The following ADGRG5 variants were observed in gnomAD, a reference collection of about 807,000 sequenced individuals.
ADGRG5 encodes the protein adhesion G protein-coupled receptor G5.
A neutral mutation model predicts 53.2 loss-of-function variants in ADGRG5; 37 were observed. The ratio of observed to expected loss-of-function variants is 0.70; its 90% CI spans 0.53 to 0.91. The LOEUF (loss-of-function observed/expected upper bound fraction) is 0.91. ADGRG5 is among the 40% of genes least tolerant of loss of function. The pLI is 0.00. For missense variants in ADGRG5, 614 were observed against 675.8 expected (o/e 0.91, Z 1.01); for synonymous variants, 277 against 290.4 (o/e 0.95, Z 0.47).
upstream of ADGRG5, among the ~76,000 whole-genome samples, chr16:57,541,447 C>G (rs1449665714): frequency 1.3e-5 from 2 of 152,124 alleles, no homozygotes; most frequent in Non-Finnish European, 2.9e-5. Flanking sequence ...GAGTGTAGCC[C>G]AGGAGTCAGG....
In ADGRG5 at chr16:57,563,990, T is replaced by C; in HGVS notation, c.429+11T>C. 1 of 1,608,764 alleles carries C rather than the reference T, an allele frequency of 6.2e-7. No individual in the cohort carries two copies. The highest frequency in any genetic ancestry group is 8.5e-7 in the Non-Finnish European group (1 of 1,175,834). ...ACCCACTTTTTCAAGGTCAGTGTGATGGCGGGCCAAGGAGGGTGGGTGCCG... is the reference window on the plus strand; with the variant it reads ...ACCCACTTTTTCAAGGTCAGTGTGACGGCGGGCCAAGGAGGGTGGGTGCCG... On this transcript the variant is annotated intron_variant, in intron 5 of 11. Transcript: ENST00000349457.
chr16:57,529,737 C>G, the ADGRG5 span, among the ~76,000 whole-genome samples: 4 of 152,182 alleles, frequency 2.6e-5, no homozygotes, highest in Non-Finnish European at 5.9e-5. This position sits in a 1 kb window ranked among gnomAD's most constrained non-coding sequence, Gnocchi z 4.1. Context: ...ATCACTTCCT[C>G]CTGGAAGCCC....
intron 1 of ADGRG5, among the ~76,000 whole-genome samples, chr16:57,552,131 T>C (rs1488816998): frequency 6.6e-6 from 1 of 152,160 alleles, no homozygotes; most frequent in Non-Finnish European, 1.5e-5. Context: ...ATTCCATTTG[T>C]AGAGCACAGG....
At chr16:57,571,420 C>T (rs1290064549) in intron 10 of ADGRG5, among the ~76,000 whole-genome samples, 2 of 151,470 alleles carry the variant, frequency 1.3e-5, no homozygotes, top group African/African-American at 4.9e-5. Context: ...AGAGCCTGGC[C>T]CCCAGCCCCT....
At chr16:57,548,695 C>G (rs927674868) in intron 1 of ADGRG5, among the ~76,000 whole-genome samples, 2 of 148,488 alleles carry the variant, frequency 1.3e-5, no homozygotes, top group Non-Finnish European at 3.0e-5. Context: ...TTGAATCACA[C>G]AGCATGCAAC....
chr16:57,560,287 A>G (rs1398903790), intron 1 of ADGRG5, among the ~76,000 whole-genome samples: 1 of 152,042 alleles, frequency 6.6e-6, no homozygotes, highest in Non-Finnish European at 1.5e-5. Flanking sequence ...ATACTTTCTC[A>G]TTTTGTTGGA....
Position 57,566,656 on chromosome 16 carries a change from G to C in ADGRG5, c.604G>C (p.Gly202Arg), listed in dbSNP as rs200838029. 1.3e-4 allele frequency: 212 copies of C among 1,590,198 alleles called. No homozygotes were observed. Among genetic ancestry groups the C allele is most frequent in the East Asian group, 9.0e-4 (39 of 43,520 alleles). ...WKEGARKQPW[G>R]GWSPEGCRTE... ...GGAGGGAGCCAGGAAACAGCCCTGG[G>C]GGGGCTGGAGCCCTGAGGGCTGTCG... The change falls in exon 7 of 12, where the codon GGG becomes CGG. Residue 202 changes from glycine to arginine, a missense_variant. Gly to Arg is a moderately radical substitution (Grantham distance 125). Coordinates refer to ENST00000349457, the MANE Select transcript of ADGRG5 (RefSeq NM_001304376.3).
chr16:57,549,728 C>G (rs1303966259), intron 1 of ADGRG5, among the ~76,000 whole-genome samples: 1 of 152,138 alleles, frequency 6.6e-6, no homozygotes, highest in African/African-American at 2.4e-5. Context: ...TATCTTTTCC[C>G]TACTCCCTGG....
chr16:57,555,968 C>T (rs112650283), intron 1 of ADGRG5, among the ~76,000 whole-genome samples: 4,633 of 152,194 alleles, frequency 0.03, 185 homozygotes, highest in East Asian at 0.19. Context: ...TTCTCTCTCT[C>T]TCTCCCCTGC....
rs138877305 is a variant in ADGRG5, at chr16:57,559,595, C to G, written c.-38-2461C>G. The stretch of plus-strand genomic sequence containing the variant: ...TCATTAAGATACTAGTCATTTTCTC[C>G]TTATCTACTTTTGCGGCAACTACCT... On this transcript the variant is annotated intron_variant, in intron 1 of 11. Coordinates refer to ENST00000349457, the MANE Select transcript of ADGRG5 (RefSeq NM_001304376.3). 9.3e-4 allele frequency among the ~76,000 whole-genome samples: 141 copies of G among 152,304 alleles called. No individual in the cohort carries two copies. The East Asian group carries it at 0.022, about 24-fold the overall frequency.
chr16:57,552,121 A>T (rs1214297657), intron 1 of ADGRG5, among the ~76,000 whole-genome samples: 2 of 151,734 alleles, frequency 1.3e-5, no homozygotes, highest in East Asian at 3.9e-4. Context: ...AGGCTTTGTT[A>T]TTCCATTTGT....
intron 10 of ADGRG5, among the ~76,000 whole-genome samples, chr16:57,572,813 G>A (rs1410928136): frequency 6.6e-6 from 1 of 152,256 alleles, no homozygotes; most frequent in Non-Finnish European, 1.5e-5. Flanking sequence ...GTGAAAGTGA[G>A]TGGTCGCCTA....
At position 57,571,476 on chromosome 16, in the gene ADGRG5, C is replaced by T. The variant is rs369810935; in HGVS notation, c.1208+941C>T. Among the ~76,000 whole-genome samples, 31 of 152,228 alleles carry T rather than the reference C, an allele frequency of 2.0e-4. No individual in the cohort carries two copies. In the South Asian group the frequency reaches 6.4e-3, roughly 32 times the overall value. On this transcript the variant is annotated intron_variant, in intron 10 of 11. Coordinates refer to ENST00000349457, the MANE Select transcript of ADGRG5 (RefSeq NM_001304376.3). The stretch of plus-strand genomic sequence containing the variant: ...CGTGCTACATAGGTGGGGCTGATCC[C>T]TCTCACATTGAGGCTCGGGTGTATC...
chr16:57,567,744 C>A, intron 8 of ADGRG5, 112 bp from the exon 9 acceptor site: 1 of 1,428,208 alleles, frequency 7.0e-7, no homozygotes, highest in Non-Finnish European at 9.5e-7. Flanking sequence ...GCTGTGGGAT[C>A]CCTGCCCCTT....
chr16:57,542,046 C>G (rs1018572824), upstream of ADGRG5, among the ~76,000 whole-genome samples: 1 of 152,228 alleles, frequency 6.6e-6, no homozygotes, highest in Non-Finnish European at 1.5e-5. Flanking sequence ...AGTGACTTTG[C>G]CAGCCTTACC....
chr16:57,568,632 T>C (rs1169048880), intron 9 of ADGRG5, among the ~76,000 whole-genome samples: 642 of 52,786 alleles, frequency 0.012, no homozygotes, highest in Middle Eastern at 0.067. Flanking sequence ...CCACCACCTC[T>C]TCCACCTCCT....
At position 57,575,101 on chromosome 16, in the gene ADGRG5, G is replaced by A; in HGVS notation, c.1486+9G>A. On this transcript the variant is annotated intron_variant, in intron 11 of 11. Transcript: ENST00000349457. ...CTTAAACTCGCTCTACGGTAGGGCT[G>A]GAGGGCGGCCTGGAGGAAGCTACCT... 2 of 1,605,722 alleles carry A rather than the reference G, an allele frequency of 1.2e-6. No individual in the cohort carries two copies. The highest frequency in any genetic ancestry group is 1.1e-5 in the South Asian group (1 of 89,732).
chr16:57,558,937 C>T (rs2032940977), intron 1 of ADGRG5, among the ~76,000 whole-genome samples: 1 of 151,692 alleles, frequency 6.6e-6, no homozygotes, highest in East Asian at 1.9e-4. Context: ...CTCCAACTTC[C>T]CAGGCTCAGG....
intron 1 of ADGRG5, among the ~76,000 whole-genome samples, chr16:57,551,866 A>G (rs537411497): frequency 6.6e-6 from 1 of 152,300 alleles, no homozygotes; most frequent in African/African-American, 2.4e-5. Flanking sequence ...TTGTTTCCTA[A>G]ATAATAAGAC....
Sources: gnomAD v4.1 joint callset for allele counts (sites outside exome capture counted in the v4.1 genomes callset) on GRCh38, gnomAD v4.1.1 for gene constraint, Gnocchi (gnomAD v3.1) non-coding constraint, MANE v1.5 for transcripts, NCBI Gene and HGNC (gene_info 2026-07-23, HGNC 2026-07-21) for gene names.